The following SYNPR variants were observed in gnomAD, a reference collection of about 807,000 sequenced individuals.
The protein encoded by SYNPR is synaptoporin.
In SYNPR, 23 loss-of-function variants were observed where a neutral mutation model predicts 32.9. That is an observed-to-expected ratio of 0.70 (90% CI 0.50 to 0.99). The LOEUF is 0.99. Ranked by LOEUF, SYNPR falls within the 50% of genes least tolerant of loss-of-function variation. The probability of loss-of-function intolerance (pLI) is 0.00; values close to 1 mark genes in which losing one functional copy is unlikely to be tolerated. For missense variants in SYNPR, 318 were observed against 349.3 expected (o/e 0.91, Z 0.71); for synonymous variants, 146 against 135.9 (o/e 1.07, Z -0.52).
At chr3:63,281,635 A>C (rs1444764115) in intron 2 of SYNPR, among the ~76,000 whole-genome samples, 1 of 152,244 alleles carries the variant, frequency 6.6e-6, no homozygotes, top group East Asian at 1.9e-4. Context: ...CACTAATCCC[A>C]TTCACAAGGG....
intron 3 of SYNPR, among the ~76,000 whole-genome samples, chr3:63,507,423 A>G (rs1701610360): frequency 6.6e-6 from 1 of 152,212 alleles, no homozygotes; most frequent in Non-Finnish European, 1.5e-5. Flanking sequence ...CTGTGAAGTA[A>G]CAGACAATCT....
At chr3:63,245,704 AGAGAGAGTGTGTGTGT>A (rs1172524666) in intron 1 of SYNPR, among the ~76,000 whole-genome samples, 27 of 102,356 alleles carry the variant, frequency 2.6e-4, no homozygotes, top group East Asian at 1.0e-3. Context: ...AGAGAGAGAG[AGAGAGAGTGTGTGTGT>A]GTGTGTGTGT....
intron 2 of SYNPR, among the ~76,000 whole-genome samples, chr3:63,449,464 T>A (rs191047735): frequency 1.8e-4 from 28 of 152,286 alleles, no homozygotes; most frequent in African/African-American, 6.0e-4. Context: ...TTATAAGATG[T>A]TAAGCAGCAT....
intron 4 of SYNPR, among the ~76,000 whole-genome samples, chr3:63,606,268 G>A (rs190355804): frequency 6.6e-6 from 1 of 151,992 alleles, no homozygotes. Flanking sequence ...TTACAAAATG[G>A]CACTAAGGGA....
chr3:63,527,632 C>T (rs1702037932), intron 3 of SYNPR, among the ~76,000 whole-genome samples: 1 of 152,096 alleles, frequency 6.6e-6, no homozygotes, highest in Non-Finnish European at 1.5e-5. Context: ...AGGCGCTTTC[C>T]CTCTTCATCT....
At chr3:63,218,681 G>T in the SYNPR span, among the ~76,000 whole-genome samples, 1 of 152,134 alleles carries the variant, frequency 6.6e-6, no homozygotes, top group Non-Finnish European at 1.5e-5. Context: ...CAAAAGTCCT[G>T]GGATTACAGG....
At chr3:63,251,418 G>A (rs931086625) in intron 1 of SYNPR, among the ~76,000 whole-genome samples, 1 of 152,124 alleles carries the variant, frequency 6.6e-6, no homozygotes, top group Non-Finnish European at 1.5e-5. Context: ...TGAATTCAGG[G>A]GTTCAAGAGT....
At chr3:63,439,485 G>A (rs1298414100) in intron 2 of SYNPR, among the ~76,000 whole-genome samples, 3 of 152,178 alleles carry the variant, frequency 2.0e-5, no homozygotes, top group African/African-American at 7.2e-5. Context: ...AAATTGGAAG[G>A]TTAGGACAGT....
At chr3:63,580,776 G>C (rs919721422) in intron 4 of SYNPR, among the ~76,000 whole-genome samples, 5 of 152,096 alleles carry the variant, frequency 3.3e-5, no homozygotes, top group African/African-American at 1.2e-4. Context: ...ATACAGTTCT[G>C]GCAAATTAGT....
At chr3:63,589,314 T>TTATCA (rs1383890512) in intron 4 of SYNPR, among the ~76,000 whole-genome samples, 4 of 152,240 alleles carry the variant, frequency 2.6e-5, no homozygotes, top group South Asian at 4.1e-4. Flanking sequence ...TACAAAGCTA[T>TTATCA]TATCACTATA....
intron 3 of SYNPR, among the ~76,000 whole-genome samples, chr3:63,501,581 G>A (rs191100192): frequency 9.2e-5 from 14 of 151,474 alleles, no homozygotes; most frequent in East Asian, 1.9e-4. Flanking sequence ...ATGTAAACAC[G>A]GTCTGGCACA....
the SYNPR span, among the ~76,000 whole-genome samples, chr3:63,201,769 G>A: frequency 6.6e-6 from 1 of 152,028 alleles, no homozygotes; most frequent in Admixed American, 6.6e-5. Context: ...ATAAATACAT[G>A]AAAGTGTCAA....
intron 2 of SYNPR, among the ~76,000 whole-genome samples, chr3:63,407,043 G>A (rs527730953): frequency 6.6e-6 from 1 of 152,254 alleles, no homozygotes; most frequent in Admixed American, 6.5e-5. Context: ...CTTATAATTG[G>A]AGGATTGAAA....
At chr3:63,342,223 C>T (rs2087379417) in intron 2 of SYNPR, among the ~76,000 whole-genome samples, 1 of 152,132 alleles carries the variant, frequency 6.6e-6, no homozygotes, top group Admixed American at 6.5e-5. Flanking sequence ...TATCTGTTTG[C>T]CTAGTCTTTC....
At chr3:63,564,954 C>A (rs1340087352) in intron 4 of SYNPR, among the ~76,000 whole-genome samples, 1 of 152,170 alleles carries the variant, frequency 6.6e-6, no homozygotes, top group Non-Finnish European at 1.5e-5. Flanking sequence ...CTTTGGTGGG[C>A]TGGTGGAAAA....
intron 2 of SYNPR, among the ~76,000 whole-genome samples, chr3:63,366,752 C>T (rs1453624660): frequency 6.6e-6 from 1 of 152,168 alleles, no homozygotes; most frequent in African/African-American, 2.4e-5. Context: ...GTGCCAGGCA[C>T]TGTAATTTTT....
At chr3:63,516,020 G>A (rs1027114227) in intron 3 of SYNPR, among the ~76,000 whole-genome samples, 2 of 151,878 alleles carry the variant, frequency 1.3e-5, no homozygotes, top group African/African-American at 4.8e-5. Context: ...CTATGGTACA[G>A]TCAACATTCT....
intron 2 of SYNPR, among the ~76,000 whole-genome samples, chr3:63,258,483 C>A (rs1329016224): frequency 2.0e-5 from 3 of 152,004 alleles, no homozygotes; most frequent in African/African-American, 4.8e-5. Flanking sequence ...TGGGTACATA[C>A]CGAAATGAAG....
chr3:63,588,889 G>A (rs1703251786), intron 4 of SYNPR, among the ~76,000 whole-genome samples: 1 of 152,010 alleles, frequency 6.6e-6, no homozygotes, highest in Non-Finnish European at 1.5e-5. Flanking sequence ...GGTTGCAGGT[G>A]GGGAAGTATA....
Sources: allele counts gnomAD v4.1 joint callset (sites outside exome capture counted in the v4.1 genomes callset), GRCh38; gene constraint gnomAD v4.1.1; transcripts MANE v1.5; gene names NCBI Gene and HGNC (gene_info 2026-07-23, HGNC 2026-07-21).